The following EMSY variants were observed in gnomAD, a reference collection of about 807,000 sequenced individuals.
The protein encoded by EMSY is BRCA2-interacting transcriptional repressor EMSY.
EMSY carries 26 observed loss-of-function variants against 134.6 expected under a neutral mutation model. The ratio of observed to expected loss-of-function variants is 0.19; its 90% CI spans 0.14 to 0.27. The LOEUF (loss-of-function observed/expected upper bound fraction) is 0.27. Among genes scored for constraint, EMSY ranks in the 10% least tolerant of loss-of-function variants. EMSY has a pLI of 1.00. For missense variants in EMSY, 1,305 were observed against 1,611.4 expected (o/e 0.81, Z 3.26); for synonymous variants, 579 against 577.8 (o/e 1.00, Z -0.03).
chr11:76,466,157 T>G (rs1384364048), intron 7 of EMSY, among the ~76,000 whole-genome samples: 2 of 152,214 alleles, frequency 1.3e-5, no homozygotes, highest in African/African-American at 4.8e-5. Flanking sequence ...TCAATCTCCC[T>G]CATGACAGTA....
chr11:76,452,002 G>T, intron 3 of EMSY, 45 bp downstream of exon 3: 1 of 1,285,268 alleles, frequency 7.8e-7, no homozygotes, highest in Non-Finnish European at 1.1e-6. Context: ...ATTTCATTTT[G>T]GGGGATTTTA....
At chr11:76,513,696 T>TAA (rs1311365965) in intron 10 of EMSY, among the ~76,000 whole-genome samples, 161 bp downstream of exon 11, 1 of 152,172 alleles carries the variant, frequency 6.6e-6, no homozygotes, top group Non-Finnish European at 1.5e-5. Context: ...GCCCTGACGT[T>TAA]AACTTTCTTT....
At chr11:76,542,657 G>A (rs1036351372) in intron 18 of EMSY, among the ~76,000 whole-genome samples, 4 of 151,966 alleles carry the variant, frequency 2.6e-5, no homozygotes. Flanking sequence ...TACTGTGGAA[G>A]AATGTATCAT....
chr11:76,491,770 C>T (rs1565311872), intron 8 of EMSY, among the ~76,000 whole-genome samples: 1 of 151,558 alleles, frequency 6.6e-6, no homozygotes, highest in Non-Finnish European at 1.5e-5. Flanking sequence ...ATGCTCTCCT[C>T]CTCCTACTCT....
rs898091400 is a variant in EMSY, at chr11:76,537,704, C to T, written c.2360-91C>T. On this transcript the variant is annotated intron_variant, in intron 15 of 20. Transcript: ENST00000334736. ...CTTAGTCACTGCCAGTGTGGCACCC[C>T]AGAGGTCTGGTTCATTATTCCTGTG... 3 of 1,193,224 alleles carry T rather than the reference C, an allele frequency of 2.5e-6. No individual in the cohort carries two copies. In the African/African-American group the frequency reaches 4.7e-5, roughly 19 times the overall value. The allele number at this position is 1,193,224 out of a possible 1,614,324, so 73.9% of individuals were successfully genotyped here.
At chr11:76,463,773 G>T in intron 6 of EMSY, 48 bp from the exon 8 acceptor site, 1 of 1,588,274 alleles carries the variant, frequency 6.3e-7, no homozygotes, top group African/African-American at 1.4e-5. Flanking sequence ...AGTGTATAAT[G>T]CAAGATTAGT....
intron 20 of EMSY, among the ~76,000 whole-genome samples, chr11:76,549,471 T>G (rs1228914666): frequency 6.6e-6 from 1 of 151,472 alleles, no homozygotes; most frequent in Non-Finnish European, 1.5e-5. Context: ...GTACTCGTCT[T>G]GCAGATAATA....
At position 76,535,536 on chromosome 11, in the gene EMSY, A is replaced by G. The variant is rs148060305; in HGVS notation, c.2195-359A>G. ...ATATGCGTATCTATTTATAATAGCA[A>G]TTATCACATTGAGTTGTGATTTGTC... On this transcript the variant is annotated intron_variant, in intron 14 of 20. Transcript: ENST00000334736. Among the ~76,000 whole-genome samples, 141 of 152,322 alleles carry G rather than the reference A, an allele frequency of 9.3e-4. 2 individuals are homozygous for G. In the East Asian group the frequency reaches 0.026, roughly 29 times the overall value.
At chr11:76,488,147 C>T (rs1949266691) in intron 8 of EMSY, among the ~76,000 whole-genome samples, 1 of 152,148 alleles carries the variant, frequency 6.6e-6, no homozygotes, top group Admixed American at 6.5e-5. Context: ...CACAGTAGCC[C>T]ATTTTTTTGT....
intron 14 of EMSY, among the ~76,000 whole-genome samples, chr11:76,528,891 G>GGGCTGTAAGTA (rs1950938421): frequency 6.6e-6 from 1 of 152,086 alleles, no homozygotes; most frequent in African/African-American, 2.4e-5. Flanking sequence ...GACTGTAAGT[G>GGGCTGTAAGTA]GGCTGTAAGT....
chr11:76,464,056 G>C lies in EMSY; in HGVS notation c.807G>C (p.Gln269His), dbSNP rs763255092. 4 of 1,614,168 alleles carry C rather than the reference G, an allele frequency of 2.5e-6. No homozygotes were observed. In the South Asian group the frequency reaches 4.4e-5, roughly 18 times the overall value. ...TAACCTTCACTAAACCATCAACACA[G>C]ACAACAAACACAACAACACAGAAGG... The change falls in exon 7 of 21, where the codon CAG becomes CAC. Residue 269 changes from glutamine (Q) to histidine (H), a missense_variant. This residue lies in a region of EMSY where 205 missense variants were observed against 268.6 expected (regional missense o/e 0.76). Transcript: ENST00000334736.
intron 8 of EMSY, among the ~76,000 whole-genome samples, chr11:76,494,710 C>T (rs867951974): frequency 9.3e-6 from 1 of 107,682 alleles, no homozygotes; most frequent in Non-Finnish European, 1.9e-5. Flanking sequence ...TTCCTTCCTT[C>T]CTTCCTTCCT....
chr11:76,527,256 G>T (rs1233997343), intron 13 of EMSY, among the ~76,000 whole-genome samples: 2 of 151,916 alleles, frequency 1.3e-5, no homozygotes, highest in Non-Finnish European at 2.9e-5. Context: ...TTTGTAAGAG[G>T]TATTAATGTA....
At chr11:76,500,076 CAAA>C (rs66518169) in intron 9 of EMSY, among the ~76,000 whole-genome samples, 3 of 124,268 alleles carry the variant, frequency 2.4e-5, no homozygotes, top group Non-Finnish European at 3.4e-5. Context: ...GAGCCTATCT[CAAA>C]AAAAAAAAAA....
chr11:76,516,283 G>A (rs2136166862), exon 11 of EMSY: 1 of 1,611,588 alleles, frequency 6.2e-7, no homozygotes, highest in Non-Finnish European at 8.5e-7. Context: ...ACCTTGGGGG[G>A]CAAGATAATT....
chr11:76,542,291 C>A (rs2136690310), exon 18 of EMSY: 1 of 1,614,164 alleles, frequency 6.2e-7, no homozygotes, highest in Admixed American at 1.7e-5. Context: ...CAGTCACAGA[C>A]CGCAACACAG....
At chr11:76,550,262 A>G (rs921394606) in exon 21 of EMSY, 5 of 738,060 alleles carry the variant, frequency 6.8e-6, no homozygotes, top group Non-Finnish European at 9.5e-6. Flanking sequence ...GTGGACCCTA[A>G]AACAGCAGTG....
intron 9 of EMSY, among the ~76,000 whole-genome samples, chr11:76,508,830 T>C (rs921225808): frequency 2.6e-5 from 4 of 152,198 alleles, no homozygotes; most frequent in African/African-American, 9.7e-5. Flanking sequence ...CTCTGCTAGC[T>C]TCCAACTTTT....
chr11:76,494,080 G>A (rs766622585), intron 8 of EMSY, among the ~76,000 whole-genome samples: 4 of 152,242 alleles, frequency 2.6e-5, no homozygotes, highest in African/African-American at 4.8e-5. Context: ...TGGTCCAGCC[G>A]CAGCCTCGCA....
Sources: allele counts gnomAD v4.1 joint callset (sites outside exome capture counted in the v4.1 genomes callset), GRCh38; gene constraint gnomAD v4.1.1; regional missense constraint gnomAD v4.1.1; transcripts MANE v1.5; gene names NCBI Gene and HGNC (gene_info 2026-07-23, HGNC 2026-07-21).